PARP4: variants seen among roughly 807,000 people sequenced by gnomAD.
The protein encoded by PARP4 is poly(ADP-ribose) polymerase family member 4.
In PARP4, 120 loss-of-function variants were observed where a neutral mutation model predicts 187.7. The ratio of observed to expected loss-of-function variants is 0.64; its 90% CI spans 0.55 to 0.74. The LOEUF (loss-of-function observed/expected upper bound fraction) is 0.74, where lower values mean the gene tolerates loss of function less well. Among genes scored for constraint, PARP4 ranks in the 30% least tolerant of loss-of-function variants. The probability of loss-of-function intolerance (pLI) is 0.00; values close to 1 mark genes in which losing one functional copy is unlikely to be tolerated. For synonymous variants in PARP4, 654 were observed against 740.9 expected, an observed-to-expected ratio of 0.88 and a Z score of 1.90; for missense variants, 1,836 against 2,070.5, an observed-to-expected ratio of 0.89 and a Z score of 2.20.
intron 21 of PARP4, among the ~76,000 whole-genome samples, chr13:24,455,783 A>G (rs928527372): frequency 2.0e-5 from 3 of 151,158 alleles, no homozygotes; most frequent in African/African-American, 7.3e-5. Flanking sequence ...ACACCTGGCT[A>G]ATTTTTTTTC....
chr13:24,424,905 G>A (rs147914459), intron 33 of PARP4, among the ~76,000 whole-genome samples: 4,015 of 150,876 alleles, frequency 0.027, 132 homozygotes, highest in African/African-American at 0.072. Flanking sequence ...AGATGGTCTC[G>A]ATCTCCCAAC....
At chr13:24,434,352 G>A (rs1439648709) in intron 31 of PARP4, 43 bp downstream of exon 31, 5 of 1,511,050 alleles carry the variant, frequency 3.3e-6, no homozygotes, top group Non-Finnish European at 4.4e-6. Context: ...TCTAAACTAT[G>A]AAGCCAGCCA....
chr13:24,504,822 T>C (rs1325378707), intron 1 of PARP4, among the ~76,000 whole-genome samples: 2 of 151,436 alleles, frequency 1.3e-5, no homozygotes, highest in African/African-American at 4.9e-5. Context: ...GTCTCCCAAG[T>C]AGCTGAGATT....
intron 23 of PARP4, 63 bp from the exon 24 acceptor site, chr13:24,452,656 T>C: frequency 7.5e-7 from 1 of 1,329,570 alleles, no homozygotes. Context: ...TTTGCTGTCA[T>C]CATTGACACA....
rs78269800 is a variant in PARP4, at chr13:24,478,199, T to C, written c.1526A>G (p.Lys509Arg). 342 of 1,613,688 alleles carry C rather than the reference T, an allele frequency of 2.1e-4. No homozygotes were observed. The African/African-American group carries it at 4.2e-3, about 20-fold the overall frequency. ...LLLICDVALG[K>R]CMDLHEKDFS... ...GTCCTTCTCATGTAAGTCCATACAC[T>C]TTCCGAGGGCTACGTCACAAATGAG... Residue 509 changes from lysine (K) to arginine (R), a missense_variant, in exon 13 of 34, where the codon AAG becomes AGG. Physicochemically the swap from Lys to Arg is conservative, Grantham distance 26. Around this residue, in one of 8 missense-constraint regions of PARP4, gnomAD observed 1,147 missense variants for 1,214.2 expected, o/e 0.94. Transcript: ENST00000381989.
At chr13:24,470,380 T>C (rs3858757) in intron 15 of PARP4, among the ~76,000 whole-genome samples, 77,324 of 151,918 alleles carry the variant, frequency 0.51, 19,994 homozygotes, top group South Asian at 0.65. Context: ...TGGCTGGAAA[T>C]GATTCCAGAA....
intron 11 of PARP4, among the ~76,000 whole-genome samples, chr13:24,485,953 G>A (rs1873528452): frequency 6.6e-6 from 1 of 152,062 alleles, no homozygotes; most frequent in African/African-American, 2.4e-5. Context: ...CAAAGTATTA[G>A]GATTACAGGT....
At chr13:24,511,703 G>GTGAGTCAGCACACGC (rs1296901993) in intron 1 of PARP4, among the ~76,000 whole-genome samples, 1 of 152,208 alleles carries the variant, frequency 6.6e-6, no homozygotes, top group African/African-American at 2.4e-5. Flanking sequence ...TCCGAAGTGT[G>GTGAGTCAGCACACGC]TGAGTCAGCA....
chr13:24,494,100 A>G (rs1181131786), intron 7 of PARP4, among the ~76,000 whole-genome samples: 2 of 152,144 alleles, frequency 1.3e-5, no homozygotes, highest in Non-Finnish European at 2.9e-5. Flanking sequence ...TAAGCAATAC[A>G]TCTCCTGTCT....
chr13:24,452,669 T>A, intron 23 of PARP4, 76 bp from the exon 24 acceptor site: 1 of 1,201,216 alleles, frequency 8.3e-7, no homozygotes, highest in Non-Finnish European at 1.2e-6. Flanking sequence ...TTGACACATC[T>A]AAGGACAGTG....
chr13:24,431,337 T>C (rs772676335), intron 32 of PARP4, 40 bp downstream of exon 32: 33 of 1,120,308 alleles, frequency 2.9e-5, no homozygotes, highest in Non-Finnish European at 3.5e-5. Context: ...TATTAATGAA[T>C]GAAAATAATG....
chr13:24,462,773 C>T (rs930115632), intron 17 of PARP4, among the ~76,000 whole-genome samples: 1 of 152,174 alleles, frequency 6.6e-6, no homozygotes, highest in Non-Finnish European at 1.5e-5. Flanking sequence ...ATTTGACAAG[C>T]CTATCAGCTG....
intron 17 of PARP4, among the ~76,000 whole-genome samples, chr13:24,468,438 C>G (rs1391152949): frequency 7.6e-6 from 1 of 132,134 alleles, no homozygotes; most frequent in Non-Finnish European, 1.6e-5. Flanking sequence ...GAGTTTCGCT[C>G]TTGTTGCCCA....
intron 12 of PARP4, among the ~76,000 whole-genome samples, chr13:24,479,058 T>C (rs1873128221): frequency 1.3e-5 from 2 of 152,120 alleles, no homozygotes; most frequent in Admixed American, 1.3e-4. Context: ...AAAACAAACA[T>C]TTCAAATTAT....
In PARP4 at chr13:24,437,849, C is replaced by CAAAAAAAA. The variant is rs1216300092; in HGVS notation, c.3667-2383_3667-2376dup. Among the ~76,000 whole-genome samples the CAAAAAAAA allele has an allele frequency of 3.5e-4, 42 of 118,340 alleles. 3 individuals are homozygous for CAAAAAAAA. The highest frequency in any genetic ancestry group is 7.5e-4 in the East Asian group (3 of 4,018). 77.6% of individuals were successfully genotyped at this position (118,340 alleles called of 152,430 possible). A position where few individuals can be genotyped will look rare whatever the true frequency, so the allele number is the denominator to read the frequency against. ...TGGGTGACAGAGTGAGACTCCATCT[C>CAAAAAAAA]AAAAAAAAAAAAGAATCATACTGAG... On this transcript the variant is annotated intron_variant, in intron 30 of 33. Coordinates refer to ENST00000381989, the MANE Select transcript of PARP4 (RefSeq NM_006437.4).
intron 15 of PARP4, among the ~76,000 whole-genome samples, chr13:24,471,926 G>A (rs556605362): frequency 1.8e-3 from 269 of 152,266 alleles, no homozygotes; most frequent in Non-Finnish European, 2.7e-3. Context: ...TGAGGAAAAC[G>A]AGGCAAAAGA....
At position 24,486,796 on chromosome 13, in the gene PARP4, A is replaced by G. The variant is rs1174072341; in HGVS notation, c.1215-491T>C. Among the ~76,000 whole-genome samples, 22 of 152,292 alleles carry G rather than the reference A, an allele frequency of 1.4e-4. No individual in the cohort carries two copies. The South Asian group carries it at 4.6e-3, about 32-fold the overall frequency. On this transcript the variant is annotated intron_variant, in intron 10 of 33. Coordinates refer to ENST00000381989, the MANE Select transcript of PARP4 (RefSeq NM_006437.4). The stretch of plus-strand genomic sequence containing the variant: ...GTGAAACCCCGTCTCTCCTAAAAAT[A>G]CAAAAATTAGCAGGGCATGGTGGTG...
chr13:24,481,865 T>A (rs1374459769), intron 12 of PARP4, among the ~76,000 whole-genome samples: 1 of 151,972 alleles, frequency 6.6e-6, no homozygotes, highest in Admixed American at 6.6e-5. Flanking sequence ...AGACCCCAAC[T>A]CTAAAAAGAA....
At position 24,434,712 on chromosome 13, in the gene PARP4, G is replaced by C; in HGVS notation, c.4429C>G (p.Leu1477Val). 1 of 1,614,098 alleles carries C rather than the reference G, an allele frequency of 6.2e-7. No homozygotes were observed. The highest frequency in any genetic ancestry group is 1.1e-5 in the South Asian group (1 of 91,084). The change falls in exon 31 of 34, where the codon CTG (leucine) becomes GTG (valine). Residue 1477 changes from leucine (L) to valine (V), a missense_variant. Around this residue, in one of 8 missense-constraint regions of PARP4, gnomAD observed 450 missense variants for 439.2 expected, o/e 1.02. Coordinates refer to ENST00000381989, the MANE Select transcript of PARP4 (RefSeq NM_006437.4). ...TCAGGTAAAGCAGAGGCCATTGGCAGCCTAAGGTTGGCAGTCAAAGAGGCT... is the reference window on the plus strand; with the variant it reads ...TCAGGTAAAGCAGAGGCCATTGGCACCCTAAGGTTGGCAGTCAAAGAGGCT... ...SAASLTANLR[L>V]PMASALPEAL...
Sources: gnomAD v4.1 joint callset for allele counts (sites outside exome capture counted in the v4.1 genomes callset) on GRCh38, gnomAD v4.1.1 for gene constraint, gnomAD v4.1.1 regional missense constraint, MANE v1.5 for transcripts, NCBI Gene and HGNC (gene_info 2026-07-23, HGNC 2026-07-21) for gene names.